Variants in MPC2 observed in about 807,000 individuals in gnomAD.
The protein encoded by MPC2 is mitochondrial pyruvate carrier 2, also known as brain protein 44.
MPC2 carries 19 observed loss-of-function variants against 19.2 expected under a neutral mutation model. That is an observed-to-expected ratio of 0.99 (90% CI 0.69 to 1.45). MPC2 has a LOEUF of 1.45. Ranked by LOEUF, MPC2 falls within the 40% of genes most tolerant of loss-of-function variation. The pLI is 0.00. For synonymous variants in MPC2, 61 were observed against 54.3 expected (o/e 1.12, Z -0.54); for missense variants, 122 against 153.0 (o/e 0.80, Z 1.07).
rs1670626707 is a variant in MPC2 at position 167,922,492 on chromosome 1, T to C, written c.151-1861A>G. Among the ~76,000 whole-genome samples, 3 of 152,104 alleles carry C rather than the reference T, an allele frequency of 2.0e-5. No homozygotes were observed. In the South Asian group the frequency reaches 6.2e-4, roughly 32 times the overall value. On this transcript the variant is annotated intron_variant, in intron 3 of 5. Transcript: ENST00000271373. ...AATCAATTCCACTATAAAGATATAT[T>C]ATTACTATGTAATTTTAAGTGTAGG...
intron 2 of MPC2, among the ~76,000 whole-genome samples, chr1:167,933,049 T>G (rs1670956313): frequency 6.6e-6 from 1 of 151,874 alleles, no homozygotes; most frequent in African/African-American, 2.4e-5. Flanking sequence ...CAGTGGCAGA[T>G]CATGACATGC....
At chr1:167,930,266 A>G (rs1387841341) in intron 2 of MPC2, among the ~76,000 whole-genome samples, 3 of 152,190 alleles carry the variant, frequency 2.0e-5, no homozygotes, top group Non-Finnish European at 2.9e-5. Flanking sequence ...AAGAACAGGT[A>G]AAGAGACTAA....
At chr1:167,933,169 G>GTT (rs112730724) in intron 2 of MPC2, among the ~76,000 whole-genome samples, 81 of 139,224 alleles carry the variant, frequency 5.8e-4, no homozygotes, top group African/African-American at 9.2e-4. Flanking sequence ...AAACACATTA[G>GTT]TTTTTTTTTT....
chr1:167,920,524 C>T, intron 4 of MPC2, 23 bp downstream of exon 4: 1 of 1,606,840 alleles, frequency 6.2e-7, no homozygotes. Flanking sequence ...ACAAGAAACA[C>T]AGAAGATATT....
intron 2 of MPC2, 22 bp downstream of exon 2, chr1:167,935,711 G>A (rs12744853): frequency 3.2e-6 from 5 of 1,539,830 alleles, no homozygotes; most frequent in Non-Finnish European, 2.6e-6. Context: ...GTCTCGATAA[G>A]GAGCCATTCA....
At chr1:167,933,205 G>A (rs1298833059) in intron 2 of MPC2, among the ~76,000 whole-genome samples, 3 of 141,418 alleles carry the variant, frequency 2.1e-5, no homozygotes, top group Middle Eastern at 3.8e-3. Context: ...ACCTCGCTCT[G>A]TTGCCAGGCT....
chr1:167,923,109 G>T (rs1202295552), intron 3 of MPC2, among the ~76,000 whole-genome samples: 1 of 152,166 alleles, frequency 6.6e-6, no homozygotes. Context: ...TGAATTGCTG[G>T]TAGAAATGTA....
At chr1:167,925,442 C>CGTGTATATATATATATATATAT (rs1553200802) in intron 2 of MPC2, among the ~76,000 whole-genome samples, 1 of 82,476 alleles carries the variant, frequency 1.2e-5, no homozygotes, top group Admixed American at 1.3e-4. Flanking sequence ...TACATATACA[C>CGTGTATATATATATATATATAT]ATATATATAT....
intron 2 of MPC2, among the ~76,000 whole-genome samples, chr1:167,935,245 A>ATGCAGTTTGGGGG (rs1671068739): frequency 6.6e-6 from 1 of 152,252 alleles, no homozygotes; most frequent in African/African-American, 2.4e-5. Flanking sequence ...TGGATGAAGT[A>ATGCAGTTTGGGGG]AAGCATGCAG....
chr1:167,936,811 G>C (rs1266438460), intron 1 of MPC2, 128 bp downstream of exon 1: 2 of 1,081,000 alleles, frequency 1.9e-6, no homozygotes, highest in Non-Finnish European at 2.7e-6. Flanking sequence ...CCCGGCGCGC[G>C]GATGGTGCCG....
intron 3 of MPC2, 88 bp downstream of exon 3, chr1:167,924,409 T>C (rs1670680064): frequency 4.6e-6 from 5 of 1,083,388 alleles, no homozygotes; most frequent in Non-Finnish European, 6.8e-6. Context: ...TACTCTAAAG[T>C]ATATCCTTCA....
chr1:167,936,198 C>T (rs1671189017), intron 1 of MPC2: 4 of 260,350 alleles, frequency 1.5e-5, no homozygotes, highest in South Asian at 1.4e-4. Flanking sequence ...CATGATTGGC[C>T]CGCCCCGAGG....
intron 5 of MPC2, 124 bp downstream of exon 5, chr1:167,919,855 T>TA: frequency 8.6e-6 from 5 of 582,448 alleles, no homozygotes; most frequent in Admixed American, 3.3e-5. Context: ...TATGAATCTT[T>TA]TAAAAAAATT....
chr1:167,919,539 C>T (rs559720360), intron 5 of MPC2, among the ~76,000 whole-genome samples: 12 of 152,292 alleles, frequency 7.9e-5, no homozygotes, highest in Admixed American at 1.3e-4. Context: ...CCTCACTCTA[C>T]GTATCATTTC....
chr1:167,928,888 A>G (rs1385082142), intron 2 of MPC2, among the ~76,000 whole-genome samples: 1 of 152,248 alleles, frequency 6.6e-6, no homozygotes, highest in Non-Finnish European at 1.5e-5. Context: ...AAATCTCCTC[A>G]TAAGACATTA....
chr1:167,925,470 TATATAC>T (rs71848382), intron 2 of MPC2, among the ~76,000 whole-genome samples: 1,398 of 107,618 alleles, frequency 0.013, 15 homozygotes, highest in East Asian at 0.033. Flanking sequence ...TATATATATA[TATATAC>T]ATATACATAT....
In MPC2 at chr1:167,924,640, C is replaced by T. The variant is rs1028321408; in HGVS notation, c.110-103G>A. The T allele has an allele frequency of 2.2e-5, 17 of 789,652 alleles. No homozygotes were observed. In the African/African-American group the frequency reaches 2.9e-4, roughly 13 times the overall value. The allele number at this position is 789,652 out of a possible 1,614,324, so 48.9% of individuals were successfully genotyped here. ...TTTAAAAACCAAAGGATTTATCAAC[C>T]TATTTTTAACCACTTTTACTATGCT... On this transcript the variant is annotated intron_variant, in intron 2 of 5. Coordinates refer to ENST00000271373, the MANE Select transcript of MPC2 (RefSeq NM_001143674.4).
At chr1:167,934,439 C>T (rs1052763817) in intron 2 of MPC2, among the ~76,000 whole-genome samples, 34 of 151,980 alleles carry the variant, frequency 2.2e-4, no homozygotes, top group African/African-American at 8.0e-4. Context: ...AGCATAATTC[C>T]AAAAAAATTG....
At chr1:167,928,124 G>A (rs1387807541) in intron 2 of MPC2, among the ~76,000 whole-genome samples, 2 of 152,064 alleles carry the variant, frequency 1.3e-5, no homozygotes, top group African/African-American at 4.8e-5. Flanking sequence ...CGAGATGGGC[G>A]GATCACGAGG....
Sources: gnomAD v4.1 joint callset for allele counts (sites outside exome capture counted in the v4.1 genomes callset) on GRCh38, gnomAD v4.1.1 for gene constraint, MANE v1.5 for transcripts, NCBI Gene and HGNC (gene_info 2026-07-23, HGNC 2026-07-21) for gene names.